Variants in CDH23 observed in about 807,000 individuals in gnomAD.
CDH23 encodes the protein cadherin related 23.
A neutral mutation model predicts 317.1 loss-of-function variants in CDH23; 189 were observed. The observed-to-expected ratio is 0.60, with a 90% CI of 0.53 to 0.67. CDH23 has a LOEUF of 0.67. Ranked by LOEUF, CDH23 falls within the 30% of genes least tolerant of loss-of-function variation. The pLI, the probability that CDH23 is intolerant of heterozygous loss-of-function variation, is 0.00. For missense variants in CDH23, 4,401 were observed against 4,592.4 expected (o/e 0.96, Z 1.20); for synonymous variants, 1,839 against 1,876.8 (o/e 0.98, Z 0.52).
At chr10:71,765,631 C>T (rs1353599872) in intron 38 of CDH23, among the ~76,000 whole-genome samples, 1 of 152,136 alleles carries the variant, frequency 6.6e-6, no homozygotes, top group Non-Finnish European at 1.5e-5. Context: ...GAGGCAACTT[C>T]CTTGAGATGC....
Position 71,815,265 on chromosome 10 carries a change from TCA to T in CDH23, c.10055_10056del (p.Thr3352ArgfsTer85). The T allele has an allele frequency of 6.4e-6, 10 of 1,571,106 alleles. No homozygotes were observed. Among genetic ancestry groups the T allele is most frequent in the Non-Finnish European group, 8.7e-6 (10 of 1,153,880 alleles). On this transcript the variant is annotated frameshift_variant, in exon 70 of 70. Coordinates refer to ENST00000224721, the MANE Select transcript of CDH23 (RefSeq NM_022124.6). LOFTEE classifies it high-confidence loss of function. ...GTGATCATGGAGACCCCCCTGGAGA[TCA>T]CAGAGCTGTGACTAGACAGGGAAGC...
In CDH23 at chr10:71,790,378, C is replaced by G. The variant is rs1325934506; in HGVS notation, c.6014C>G (p.Ala2005Gly). Residue 2005 changes from alanine (A) to glycine (G), a missense_variant, in exon 46 of 70, where the codon GCC (alanine) becomes GGC (glycine). Transcript: ENST00000224721. ...GTGGTGACCTACCAGCTGCTGGGTG[C>G]CCAGAGTGGCCTCTTTGACATCAAC... The part of the protein sequence containing the change: ...YAVVTYQLLG[A>G]QSGLFDINSS... 1 of 1,613,500 alleles carries G rather than the reference C, an allele frequency of 6.2e-7. No individual in the cohort carries two copies. The highest frequency in any genetic ancestry group is 1.3e-5 in the African/African-American group (1 of 75,062).
At chr10:71,685,545 A>T (rs188370759) in intron 18 of CDH23, among the ~76,000 whole-genome samples, 33 of 152,274 alleles carry the variant, frequency 2.2e-4, no homozygotes, top group Admixed American at 7.2e-4. Flanking sequence ...GGGGGTAAGA[A>T]CCCACCTCAC....
chr10:71,615,506 A>T lies in CDH23; in HGVS notation c.835A>T (p.Asn279Tyr), dbSNP rs1861131203. The T allele has an allele frequency of 6.5e-7, 1 of 1,538,634 alleles. No homozygotes were observed. Among genetic ancestry groups the T allele is most frequent in the African/African-American group, 1.4e-5 (1 of 71,290 alleles). ...RGIGYTIVSG[N>Y]TNSIFALDYI... ...CTGAATGCTTCTCTCTCTTGCAGGG[A>T]ATACCAACAGCATCTTTGCCCTGGA... The change falls in exon 10 of 70, where the codon AAT (asparagine) becomes TAT (tyrosine). Residue 279 changes from asparagine (N) to tyrosine (Y), a missense_variant and splice_region_variant. This residue lies in a region of CDH23 where 3,068 missense variants were observed against 3,203.3 expected (regional missense o/e 0.96). Coordinates refer to ENST00000224721, the MANE Select transcript of CDH23 (RefSeq NM_022124.6).
intron 6 of CDH23, among the ~76,000 whole-genome samples, chr10:71,536,446 C>T (rs1213516954): frequency 6.6e-6 from 1 of 152,134 alleles, no homozygotes; most frequent in Non-Finnish European, 1.5e-5. Context: ...CTTTGAAAGG[C>T]AGGTTTGCTT....
chr10:71,462,518 G>C (rs1357132702), intron 3 of CDH23, among the ~76,000 whole-genome samples: 4 of 152,218 alleles, frequency 2.6e-5, no homozygotes, highest in Non-Finnish European at 5.9e-5. Context: ...CACACTCACA[G>C]TGTGACGTGA....
chr10:71,697,740 C>T (rs900728778), intron 22 of CDH23, among the ~76,000 whole-genome samples: 3 of 152,136 alleles, frequency 2.0e-5, no homozygotes, highest in South Asian at 4.1e-4. Flanking sequence ...TATTCAAACC[C>T]CAGTGGTTCC....
At chr10:71,734,383 C>T (rs552369908) in intron 33 of CDH23, 42 bp downstream of exon 33, 13 of 1,561,090 alleles carry the variant, frequency 8.3e-6, no homozygotes, top group South Asian at 2.3e-5. Flanking sequence ...TGCGGCCCAT[C>T]GCTGGCCATG....
Position 71,812,613 on chromosome 10 carries a change from A to G in CDH23, c.9510+4A>G, listed in dbSNP as rs770941416. 1 of 1,613,672 alleles carries G rather than the reference A, an allele frequency of 6.2e-7. No homozygotes were observed. Among genetic ancestry groups the G allele is most frequent in the Non-Finnish European group, 8.5e-7 (1 of 1,179,888 alleles). The stretch of plus-strand genomic sequence containing the variant: ...GAACAGCCCCACGCGCACCCATGTG[A>G]GCCAGAGGCGGTCAGGCATCACAAG... On this transcript the variant is annotated splice_donor_region_variant and intron_variant, in intron 67 of 69. Transcript: ENST00000224721.
intron 11 of CDH23, among the ~76,000 whole-genome samples, chr10:71,636,129 G>A (rs112985226): frequency 0.015 from 2,338 of 152,238 alleles, 56 homozygotes; most frequent in African/African-American, 0.054. Flanking sequence ...AGAGAAACAA[G>A]CAAAGGAGTC....
chr10:71,687,169 C>T (rs968186492), intron 18 of CDH23, among the ~76,000 whole-genome samples: 1 of 152,220 alleles, frequency 6.6e-6, no homozygotes, highest in Non-Finnish European at 1.5e-5. Context: ...CTCTGGGAAC[C>T]ACCTGACCCT....
chr10:71,738,363 G>A lies in CDH23; in HGVS notation c.4210-135G>A, dbSNP rs187841712. ...CCTTTGTAAAGTCAGGATAGGCTTC[G>A]GTGGGCTCTGAGGGTTTGCTGATGT... On this transcript the variant is annotated intron_variant, in intron 34 of 69. Transcript: ENST00000224721. 87 of 990,718 alleles carry A rather than the reference G, an allele frequency of 8.8e-5. 1 individual carries two copies. Among genetic ancestry groups the A allele is most frequent in the African/African-American group, 7.0e-4 (44 of 62,708 alleles). 61.4% of individuals were successfully genotyped at this position (990,718 alleles called of 1,614,324 possible). A position where few individuals can be genotyped will look rare whatever the true frequency, so the allele number is the denominator to read the frequency against.
chr10:71,404,047 G>T (rs559611190), intron 1 of CDH23, among the ~76,000 whole-genome samples: 2 of 152,290 alleles, frequency 1.3e-5, no homozygotes, highest in Non-Finnish European at 2.9e-5. Flanking sequence ...AGCCGAGATC[G>T]TGCCACTGCA....
At chr10:71,426,179 C>G (rs994577654) in intron 1 of CDH23, among the ~76,000 whole-genome samples, 3 of 152,198 alleles carry the variant, frequency 2.0e-5, no homozygotes, top group Non-Finnish European at 4.4e-5. Flanking sequence ...TATCGACCAC[C>G]TGCATGGCCC....
chr10:71,702,966 C>T (rs1243856484), intron 24 of CDH23, among the ~76,000 whole-genome samples: 2 of 152,306 alleles, frequency 1.3e-5, no homozygotes, highest in African/African-American at 4.8e-5. Context: ...TGGCCCAGGA[C>T]CTTGGACCTT....
At chr10:71,574,156 C>T (rs1364815854) in intron 8 of CDH23, among the ~76,000 whole-genome samples, 3 of 152,066 alleles carry the variant, frequency 2.0e-5, no homozygotes, top group Admixed American at 6.5e-5. Flanking sequence ...GGGCCCCCAC[C>T]GGACCTTTCC....
chr10:71,439,452 G>A (rs1038212849), intron 1 of CDH23, among the ~76,000 whole-genome samples: 10 of 152,262 alleles, frequency 6.6e-5, no homozygotes, highest in Middle Eastern at 3.4e-3. Context: ...CACTCTTGGG[G>A]GATGTGGTCC....
At chr10:71,777,609 G>C in intron 38 of CDH23, 71 bp from the exon 39 acceptor site, 1 of 1,383,430 alleles carries the variant, frequency 7.2e-7, no homozygotes, top group Non-Finnish European at 1.0e-6. Context: ...CAGCCCAGGA[G>C]AACAGCCATC....
intron 6 of CDH23, chr10:71,511,932 G>T (rs1169695951): frequency 2.0e-5 from 3 of 152,760 alleles, no homozygotes; most frequent in Non-Finnish European, 2.9e-5. Flanking sequence ...TTCTCACTGG[G>T]TGTCCCTCGG....
Sources: allele counts gnomAD v4.1 joint callset (sites outside exome capture counted in the v4.1 genomes callset), GRCh38; gene constraint gnomAD v4.1.1; regional missense constraint gnomAD v4.1.1; transcripts MANE v1.5; gene names NCBI Gene and HGNC (gene_info 2026-07-23, HGNC 2026-07-21).